Variants in VPS45 observed in about 807,000 individuals in gnomAD.
VPS45 encodes vacuolar protein sorting-associated protein 45.
VPS45 carries 35 observed loss-of-function variants against 75.9 expected under a neutral mutation model. The observed-to-expected ratio is 0.46, with a 90% CI of 0.35 to 0.61. VPS45 has a LOEUF of 0.61. Ranked by LOEUF, VPS45 falls within the 20% of genes least tolerant of loss-of-function variation. The probability of loss-of-function intolerance (pLI) is 0.00; values close to 1 mark genes in which losing one functional copy is unlikely to be tolerated. For synonymous variants in VPS45, 220 were observed against 238.2 expected (o/e 0.92, Z 0.70); for missense variants, 559 against 685.9 (o/e 0.81, Z 2.07).
At chr1:150,109,254 C>T (rs1657509308) in intron 13 of VPS45, 1 of 152,186 alleles carries the variant, frequency 6.6e-6, no homozygotes, top group African/African-American at 2.4e-5. Context: ...TGGTTTCAAA[C>T]TCCTGACCTC....
rs1182407974 is a variant in VPS45, at chr1:150,072,212, C to T, written c.275C>T (p.Thr92Ile). The T allele has an allele frequency of 6.3e-7, 1 of 1,599,376 alleles. No individual in the cohort carries two copies. Among genetic ancestry groups the T allele is most frequent in the African/African-American group, 1.3e-5 (1 of 74,368 alleles). ...IIQELRRPKY[T>I]IYFIYFSNVI... The stretch of plus-strand genomic sequence containing the variant: ...CAGGAGCTCCGAAGACCCAAATACA[C>T]TATATATTTCATTTGTAAGTATGTT... Residue 92 changes from threonine (T) to isoleucine (I), a missense_variant, in exon 3 of 15, where the codon ACT becomes ATT. Coordinates refer to ENST00000644510, the MANE Select transcript of VPS45 (RefSeq NM_007259.5).
chr1:150,112,546 T>A (rs1657701702), intron 14 of VPS45, among the ~76,000 whole-genome samples: 1 of 152,164 alleles, frequency 6.6e-6, no homozygotes, highest in African/African-American at 2.4e-5. Flanking sequence ...GAGGGGCTTT[T>A]TTCTTCTTGA....
At chr1:150,093,702 A>C in intron 13 of VPS45, 54 bp downstream of exon 13, 5 of 1,575,298 alleles carry the variant, frequency 3.2e-6, no homozygotes, top group Non-Finnish European at 4.3e-6. Flanking sequence ...ACAAACAGAA[A>C]ATTTAGAGTA....
chr1:150,099,482 A>T (rs1656848976), intron 13 of VPS45, among the ~76,000 whole-genome samples: 1 of 147,450 alleles, frequency 6.8e-6, no homozygotes, highest in African/African-American at 2.5e-5. Context: ...ACTGCACTCC[A>T]GTCTGGGCGA....
Position 150,081,910 on chromosome 1 carries a change from T to C in VPS45, c.849T>C (p.Ile283=). The C allele has an allele frequency of 6.2e-7, 1 of 1,613,022 alleles. No individual in the cohort carries two copies. Among genetic ancestry groups the C allele is most frequent in the Non-Finnish European group, 8.5e-7 (1 of 1,179,464 alleles). The change falls in exon 9 of 15, where the codon ATT becomes ATC. Residue 283 remains isoleucine (I), a synonymous_variant. Coordinates refer to ENST00000644510, the MANE Select transcript of VPS45 (RefSeq NM_007259.5). ...ATATGTACCTGAACTTTGCTGAGAT[T>C]GGTAGCAATATAAAGAATCTCATGG... ...ANNMYLNFAE[I]GSNIKNLMED...
intron 3 of VPS45, among the ~76,000 whole-genome samples, chr1:150,075,213 T>C (rs1486941638): frequency 6.6e-6 from 1 of 151,410 alleles, no homozygotes; most frequent in Non-Finnish European, 1.5e-5. Flanking sequence ...TTGGTTGATA[T>C]GTTAAGTTTC....
intron 14 of VPS45, among the ~76,000 whole-genome samples, chr1:150,132,974 G>A (rs1301684670): frequency 6.6e-6 from 1 of 152,106 alleles, no homozygotes; most frequent in Non-Finnish European, 1.5e-5. Context: ...ATTTTGGGGA[G>A]ATAAAGTAAA....
rs1373409425 is a variant in VPS45, at chr1:150,077,726, T to C, written c.634T>C (p.Leu212=). ...ATTCCGTCGGACAGAGGTTCCTCCA[T>C]TGCTCCTTATTTTAGATCGCTGTGA... ...FEFRRTEVPP[L]LLILDRCDDA... Residue 212 remains leucine, a synonymous_variant, in exon 7 of 15, where the codon TTG becomes CTG. Transcript: ENST00000644510. 6.2e-7 allele frequency: 1 copy of C among 1,614,112 alleles called. No homozygotes were observed. The highest frequency in any genetic ancestry group is 1.7e-5 in the Admixed American group (1 of 60,018).
At chr1:150,100,009 A>G (rs1656892944) in intron 13 of VPS45, among the ~76,000 whole-genome samples, 1 of 152,226 alleles carries the variant, frequency 6.6e-6, no homozygotes, top group African/African-American at 2.4e-5. Context: ...GGCAAGAGAT[A>G]GAAATAAAGT....
At chr1:150,135,895 T>C (rs1659052031) in intron 14 of VPS45, among the ~76,000 whole-genome samples, 1 of 151,432 alleles carries the variant, frequency 6.6e-6, no homozygotes, top group Non-Finnish European at 1.5e-5. Context: ...TGCCTCAGCC[T>C]CCCAAAGTGC....
chr1:150,125,395 A>G (rs1553810505), intron 14 of VPS45, among the ~76,000 whole-genome samples: 1 of 149,788 alleles, frequency 6.7e-6, no homozygotes, highest in African/African-American at 2.4e-5. Context: ...TCTAGGGTAC[A>G]TGTGCACAAT....
intron 10 of VPS45, among the ~76,000 whole-genome samples, chr1:150,087,311 CGA>C (rs1553800926): frequency 6.6e-6 from 1 of 152,136 alleles, no homozygotes; most frequent in African/African-American, 2.4e-5. Flanking sequence ...GCAAGGTTTT[CGA>C]ATCCTGTCTT....
chr1:150,118,873 A>T (rs1345326429), intron 14 of VPS45, among the ~76,000 whole-genome samples: 1 of 152,254 alleles, frequency 6.6e-6, no homozygotes, highest in Non-Finnish European at 1.5e-5. Flanking sequence ...TAAAGATTCA[A>T]TAAAATTTTG....
intron 10 of VPS45, 51 bp downstream of exon 10, chr1:150,082,934 A>G (rs1553799821): frequency 2.7e-6 from 4 of 1,509,202 alleles, no homozygotes; most frequent in South Asian, 1.3e-5. Context: ...TGTGCCAGGC[A>G]GAGCAAGAGA....
intron 14 of VPS45, among the ~76,000 whole-genome samples, chr1:150,119,700 T>C (rs1553809179): frequency 6.6e-6 from 1 of 152,218 alleles, no homozygotes; most frequent in East Asian, 1.9e-4. Flanking sequence ...AGAAATGATA[T>C]CTTGTCACTG....
intron 14 of VPS45, among the ~76,000 whole-genome samples, chr1:150,133,467 T>A (rs1237032748): frequency 6.6e-6 from 1 of 152,078 alleles, no homozygotes; most frequent in Non-Finnish European, 1.5e-5. Flanking sequence ...GGCAGGAGAA[T>A]CCTTTGAACC....
At chr1:150,074,161 C>T (rs781904191) in intron 3 of VPS45, among the ~76,000 whole-genome samples, 4 of 151,822 alleles carry the variant, frequency 2.6e-5, no homozygotes, top group Non-Finnish European at 5.9e-5. Flanking sequence ...ATTACAGGTA[C>T]ACACCACCAC....
At chr1:150,096,761 A>C (rs1350137362) in intron 13 of VPS45, among the ~76,000 whole-genome samples, 1 of 152,250 alleles carries the variant, frequency 6.6e-6, no homozygotes, top group Non-Finnish European at 1.5e-5. Flanking sequence ...GTCACAGAAC[A>C]TACCTATACC....
At chr1:150,105,319 G>T (rs765703028) in intron 13 of VPS45, among the ~76,000 whole-genome samples, 1 of 152,146 alleles carries the variant, frequency 6.6e-6, no homozygotes, top group Non-Finnish European at 1.5e-5. Context: ...AATTGGAAAA[G>T]AAGTCAAATT....
Sources: allele counts gnomAD v4.1 joint callset (sites outside exome capture counted in the v4.1 genomes callset), GRCh38; gene constraint gnomAD v4.1.1; transcripts MANE v1.5; gene names NCBI Gene and HGNC (gene_info 2026-07-23, HGNC 2026-07-21).